Variants in FHAD1 observed in about 807,000 individuals in gnomAD.
FHAD1 encodes forkhead-associated domain-containing protein 1.
FHAD1 carries 146 observed loss-of-function variants against 191.3 expected under a neutral mutation model. The ratio of observed to expected loss-of-function variants is 0.76; its 90% CI spans 0.67 to 0.88. The LOEUF (loss-of-function observed/expected upper bound fraction) is 0.88. Ranked by LOEUF, FHAD1 falls within the 40% of genes least tolerant of loss-of-function variation. The pLI is 0.00. For synonymous variants in FHAD1, 616 were observed against 672.3 expected (o/e 0.92, Z 1.29); for missense variants, 1,635 against 1,785.8 (o/e 0.92, Z 1.52).
chr1:15,402,079 A>G (rs543102289), downstream of FHAD1, among the ~76,000 whole-genome samples: 50 of 152,334 alleles, frequency 3.3e-4, no homozygotes, highest in African/African-American at 1.2e-3. Context: ...TTGGAGGCAG[A>G]AACTTTATCT....
intron 28 of FHAD1, among the ~76,000 whole-genome samples, chr1:15,378,041 C>T (rs530338434): frequency 2.6e-4 from 40 of 151,770 alleles, no homozygotes; most frequent in Admixed American, 1.6e-3. Flanking sequence ...CGGTGGCTCA[C>T]GCCTGTAATC....
chr1:15,279,800 C>T (rs968293994), intron 3 of FHAD1, among the ~76,000 whole-genome samples: 3 of 152,066 alleles, frequency 2.0e-5, no homozygotes, highest in Non-Finnish European at 4.4e-5. Flanking sequence ...ATACTCCCTC[C>T]CCTGGAGTGG....
intron 31 of FHAD1, 52 bp from the exon 32 acceptor site, chr1:15,387,999 A>G (rs1291493153): frequency 4.5e-5 from 47 of 1,049,390 alleles, no homozygotes; most frequent in Admixed American, 1.6e-4. Flanking sequence ...TGGAACGGGT[A>G]AGGACACACT....
At chr1:15,246,476 T>TCAAGTAGAAGTG (rs372941396), upstream of FHAD1, among the ~76,000 whole-genome samples, 43,021 of 151,798 alleles carry the variant, frequency 0.28, 7,072 homozygotes, top group Non-Finnish European at 0.38. Context: ...GATTTCCTGC[T>TCAAGTAGAAGTG]GGAGATAGTG....
intron 33 of FHAD1, among the ~76,000 whole-genome samples, chr1:15,395,757 A>G (rs1287560758): frequency 6.6e-6 from 1 of 152,172 alleles, no homozygotes; most frequent in East Asian, 1.9e-4. Context: ...AATGCAGCCC[A>G]ACACAAATTC....
At chr1:15,401,798 G>A (rs1707133612), downstream of FHAD1, among the ~76,000 whole-genome samples, 1 of 152,170 alleles carries the variant, frequency 6.6e-6, no homozygotes, top group Non-Finnish European at 1.5e-5. Context: ...CAGGATGGAG[G>A]GCACCAGTGA....
chr1:15,338,379 G>A (rs945593158), intron 14 of FHAD1, among the ~76,000 whole-genome samples: 18 of 152,054 alleles, frequency 1.2e-4, no homozygotes, highest in Middle Eastern at 3.2e-3. Flanking sequence ...CAAAGCCAGC[G>A]ATGTGGCATC....
At position 15,365,481 on chromosome 1, in the gene FHAD1, A is replaced by ATTTTTTTTTTTTTTTTTTTTTT. The variant is rs71587751; in HGVS notation, c.3048-326_3048-325insTTTTTTTTTTTTTTTTTTTTTT. On this transcript the variant is annotated intron_variant, in intron 23 of 33. Transcript: ENST00000688493. ...AGCCACACACCACTATGCCTGGCTA[A>ATTTTTTTTTTTTTTTTTTTTTT]TTTTTTTTTTTTTTTTTTTTGTAGA... 6.2e-5 allele frequency among the ~76,000 whole-genome samples: 7 copies of ATTTTTTTTTTTTTTTTTTTTTT among 112,784 alleles called. 1 individual carries two copies. The highest frequency in any genetic ancestry group is 3.0e-4 in the South Asian group (1 of 3,382). The allele number at this position is 112,784 out of a possible 152,430, so 74.0% of individuals were successfully genotyped here.
At chr1:15,379,519 G>C (rs367686276) in intron 28 of FHAD1, among the ~76,000 whole-genome samples, 3 of 152,318 alleles carry the variant, frequency 2.0e-5, no homozygotes, top group South Asian at 4.1e-4. Flanking sequence ...TCAACTGCAA[G>C]AGGCATGCCT....
rs1261572117 is a variant in FHAD1, at chr1:15,381,775, G to C, written c.4023-253G>C. 6.6e-6 allele frequency among the ~76,000 whole-genome samples: 1 copy of C among 151,980 alleles called. No individual in the cohort carries two copies. Among genetic ancestry groups the C allele is most frequent in the Non-Finnish European group, 1.5e-5 (1 of 68,028 alleles). On this transcript the variant is annotated intron_variant, in intron 30 of 33. Coordinates refer to ENST00000688493, the MANE Select transcript of FHAD1 (RefSeq NM_001391957.1). This position sits in a 1 kb window ranked among gnomAD's most constrained non-coding sequence, Gnocchi z 4.6. The stretch of plus-strand genomic sequence containing the variant: ...CTCCGTCATATTTTCAAGAGTCGCA[G>C]TTCCCCACTCCCCAGGAAGTCAGGA...
chr1:15,247,101 G>T (rs987967863), upstream of FHAD1, among the ~76,000 whole-genome samples: 1 of 152,230 alleles, frequency 6.6e-6, no homozygotes, highest in African/African-American at 2.4e-5. Context: ...GGGCAGGCTC[G>T]TGGGGCCTGG....
rs548673698 is a variant in FHAD1 at position 15,312,609 on chromosome 1, C to T, written c.1040-448C>T. On this transcript the variant is annotated intron_variant, in intron 7 of 33. Coordinates refer to ENST00000688493, the MANE Select transcript of FHAD1 (RefSeq NM_001391957.1). The surrounding 1 kb of genome is among the most constrained non-coding windows in gnomAD (Gnocchi z 4.7). ...TCCAGGAGGTCGAGGCTGTAGTGAA[C>T]CATGATCGTGCCACTGTACTCCAGC... 6.6e-6 allele frequency among the ~76,000 whole-genome samples: 1 copy of T among 152,336 alleles called. No homozygotes were observed. The highest frequency in any genetic ancestry group is 2.1e-4 in the South Asian group (1 of 4,824).
intron 2 of FHAD1, among the ~76,000 whole-genome samples, chr1:15,267,309 A>G (rs537030025): frequency 1.3e-5 from 2 of 152,304 alleles, no homozygotes; most frequent in East Asian, 3.9e-4. Flanking sequence ...AATCCCACTT[A>G]GTTGTGGTGT....
intron 23 of FHAD1, among the ~76,000 whole-genome samples, chr1:15,365,499 T>TTTTTTTTTTTC (rs1696136349): frequency 6.7e-6 from 1 of 149,306 alleles, no homozygotes; most frequent in Non-Finnish European, 1.5e-5. Flanking sequence ...TTTTTTTTTT[T>TTTTTTTTTTTC]TTGTAGAGAC....
At chr1:15,319,616 A>T (rs953090817) in intron 10 of FHAD1, among the ~76,000 whole-genome samples, 15 of 152,126 alleles carry the variant, frequency 9.9e-5, no homozygotes, top group Non-Finnish European at 1.9e-4. Flanking sequence ...ATAATCACTT[A>T]AAAAAATCAA....
rs1414857366 is a variant in FHAD1 at position 15,317,882 on chromosome 1, G to T, written c.1319G>T (p.Cys440Phe). The T allele has an allele frequency of 6.4e-7, 1 of 1,551,784 alleles. No individual in the cohort carries two copies. Among genetic ancestry groups the T allele is most frequent in the East Asian group, 2.4e-5 (1 of 40,930 alleles). ...KKLRAELRKS[C>F]TEQSVISRTL... ...CTTAGGGCAGAGCTGAGGAAGAGTT[G>T]TACTGAACAAAGCGTGATCTCTAGG... The change falls in exon 10 of 34, where the codon TGT becomes TTT. Residue 440 changes from cysteine to phenylalanine, a missense_variant. By Grantham distance (205) the Cys-to-Phe change is radical. Coordinates refer to ENST00000688493, the MANE Select transcript of FHAD1 (RefSeq NM_001391957.1).
rs181068366 is a variant in FHAD1, at chr1:15,291,373, C to T, written c.568+1707C>T. Among the ~76,000 whole-genome samples, 5 of 152,276 alleles carry T rather than the reference C, an allele frequency of 3.3e-5. No homozygotes were observed. The South Asian group carries it at 6.2e-4, about 19-fold the overall frequency. On this transcript the variant is annotated intron_variant, in intron 4 of 33. Coordinates refer to ENST00000688493, the MANE Select transcript of FHAD1 (RefSeq NM_001391957.1). ...TGGGATTACAGGTGTGAGCCAACCA[C>T]GCCTGGCCCATTTTGCTATACTCTT...
At chr1:15,254,080 C>G (rs1296844470) in intron 2 of FHAD1, among the ~76,000 whole-genome samples, 1 of 152,122 alleles carries the variant, frequency 6.6e-6, no homozygotes, top group Admixed American at 6.5e-5. Context: ...GGTCTCCCTA[C>G]AAGGACACAG....
chr1:15,270,630 G>T (rs1393542381), intron 2 of FHAD1, among the ~76,000 whole-genome samples: 1 of 152,146 alleles, frequency 6.6e-6, no homozygotes, highest in African/African-American at 2.4e-5. Context: ...AACTTTAGTT[G>T]TCTACATGCA....
Sources: allele counts gnomAD v4.1 joint callset (sites outside exome capture counted in the v4.1 genomes callset), GRCh38; gene constraint gnomAD v4.1.1; non-coding constraint Gnocchi (gnomAD v3.1); transcripts MANE v1.5; gene names NCBI Gene and HGNC (gene_info 2026-07-23, HGNC 2026-07-21).